Variants in EHMT1 observed in about 807,000 individuals in gnomAD.
EHMT1 encodes the protein euchromatic histone lysine methyltransferase 1, also known as histone-lysine N-methyltransferase EHMT1.
EHMT1 carries 15 observed loss-of-function variants against 147.2 expected under a neutral mutation model. The ratio of observed to expected loss-of-function variants is 0.10; its 90% CI spans 0.07 to 0.16. EHMT1 has a LOEUF of 0.16. Among genes scored for constraint, EHMT1 ranks in the 10% least tolerant of loss-of-function variants. The pLI, the probability that EHMT1 is intolerant of heterozygous loss-of-function variation, is 1.00. For synonymous variants in EHMT1, 795 were observed against 709.6 expected (o/e 1.12, Z -1.91); for missense variants, 1,587 against 1,772.4 (o/e 0.90, Z 1.88).
chr9:137,833,267 C>T (rs1216338533), intron 25 of EHMT1, among the ~76,000 whole-genome samples: 1 of 152,230 alleles, frequency 6.6e-6, no homozygotes, highest in African/African-American at 2.4e-5. Context: ...CCAGGTGCCT[C>T]CTTCCCCGTC....
intron 1 of EHMT1, among the ~76,000 whole-genome samples, chr9:137,632,709 C>T (rs1237368537): frequency 2.0e-5 from 3 of 152,084 alleles, no homozygotes; most frequent in East Asian, 3.9e-4. Context: ...CAGCCTAGAC[C>T]ACTTTTTAGG....
At position 137,828,583 on chromosome 9, in the gene EHMT1, CG is replaced by C. The variant is rs1955980118; in HGVS notation, c.3541-5762del. On this transcript the variant is annotated intron_variant, in intron 25 of 26. Coordinates refer to ENST00000460843, the MANE Select transcript of EHMT1 (RefSeq NM_024757.5). This position sits in a 1 kb window ranked among gnomAD's most constrained non-coding sequence, Gnocchi z 5.3. ...CACAAAGTGTGCTCCTGCGGGGGTG[CG>C]GGGTGGGGGAGGTACCACGTCTCCC... is the stretch of plus-strand genomic sequence containing the variant. Among the ~76,000 whole-genome samples, 1 of 149,584 alleles carries C rather than the reference CG, an allele frequency of 6.7e-6. No individual in the cohort carries two copies. The highest frequency in any genetic ancestry group is 6.7e-5 in the Admixed American group (1 of 15,024).
At chr9:137,717,814 ACT>A (rs1273845857) in intron 3 of EHMT1, among the ~76,000 whole-genome samples, 1 of 152,140 alleles carries the variant, frequency 6.6e-6, no homozygotes, top group African/African-American at 2.4e-5. Flanking sequence ...GCTAGGGAAG[ACT>A]CAGCCCTGAC....
chr9:137,659,229 A>G (rs1292497224), intron 1 of EHMT1, among the ~76,000 whole-genome samples: 5 of 151,460 alleles, frequency 3.3e-5, no homozygotes, highest in African/African-American at 1.2e-4. Context: ...AACATCTCCA[A>G]TGTGGTACTT....
chr9:137,789,441 C>G lies in EHMT1; in HGVS notation c.2383-1407C>G, dbSNP rs575619779. On this transcript the variant is annotated intron_variant, in intron 15 of 26. Coordinates refer to ENST00000460843, the MANE Select transcript of EHMT1 (RefSeq NM_024757.5). ...AGAGCCACAGCTCCTCTGCACAGCA[C>G]GGGCCTCGCTCTCTACCTCGTTTTG... Among the ~76,000 whole-genome samples the G allele has an allele frequency of 2.0e-5, 3 of 152,350 alleles. No individual in the cohort carries two copies. The East Asian group carries it at 5.8e-4, about 29-fold the overall frequency.
intron 15 of EHMT1, among the ~76,000 whole-genome samples, chr9:137,783,751 G>C (rs373396848): frequency 1.9e-4 from 29 of 152,170 alleles, no homozygotes; most frequent in East Asian, 1.2e-3. Context: ...GAGCGACGGG[G>C]CGCACCGTCT....
intron 25 of EHMT1, among the ~76,000 whole-genome samples, chr9:137,826,966 C>T (rs181197717): frequency 1.5e-4 from 23 of 152,342 alleles, no homozygotes; most frequent in African/African-American, 5.5e-4. Flanking sequence ...TCCATCAGAT[C>T]GCTGCTGGAG....
At chr9:137,682,691 G>T (rs1003096000) in intron 1 of EHMT1, among the ~76,000 whole-genome samples, 1 of 152,190 alleles carries the variant, frequency 6.6e-6, no homozygotes, top group African/African-American at 2.4e-5. Flanking sequence ...TCTGTGTGCC[G>T]CCTTCCCCGT....
chr9:137,626,616 C>T (rs1438223713), intron 1 of EHMT1, among the ~76,000 whole-genome samples: 1 of 150,276 alleles, frequency 6.7e-6, no homozygotes, highest in East Asian at 1.9e-4. Flanking sequence ...CTTAGTCTTT[C>T]TTCTATGATG....
At chr9:137,765,381 C>G (rs1299746951) in intron 10 of EHMT1, among the ~76,000 whole-genome samples, 4 of 152,192 alleles carry the variant, frequency 2.6e-5, no homozygotes, top group Non-Finnish European at 5.9e-5. Flanking sequence ...CTCCACCTCC[C>G]TTTCTCCCTT....
intron 9 of EHMT1, among the ~76,000 whole-genome samples, chr9:137,762,243 T>C (rs1004856700): frequency 2.0e-5 from 3 of 150,850 alleles, no homozygotes; most frequent in African/African-American, 4.9e-5. Flanking sequence ...TGAACCGTTA[T>C]TAAAACCTTC....
At chr9:137,790,413 A>G (rs2137098384) in intron 15 of EHMT1, among the ~76,000 whole-genome samples, 1 of 152,350 alleles carries the variant, frequency 6.6e-6, no homozygotes, top group South Asian at 2.1e-4. Flanking sequence ...ACTGGAAATC[A>G]GGATTTTCCA....
intron 16 of EHMT1, among the ~76,000 whole-genome samples, chr9:137,791,200 C>T (rs1418438027): frequency 2.6e-5 from 4 of 152,134 alleles, no homozygotes; most frequent in East Asian, 1.9e-4. Context: ...GAGCGAATGA[C>T]GGGTTTGCTG....
At chr9:137,736,625 G>A (rs942154228) in intron 4 of EHMT1, among the ~76,000 whole-genome samples, 23 of 152,228 alleles carry the variant, frequency 1.5e-4, no homozygotes, top group African/African-American at 2.9e-4. Flanking sequence ...GCGCGATGGC[G>A]CACGCCTGTA....
chr9:137,793,987 A>C (rs1952716029), intron 16 of EHMT1, among the ~76,000 whole-genome samples: 1 of 152,236 alleles, frequency 6.6e-6, no homozygotes, highest in Non-Finnish European at 1.5e-5. Flanking sequence ...AAACTGTATA[A>C]AATGTTTTAA....
chr9:137,747,616 C>A (rs573455895), intron 6 of EHMT1: 1 of 152,132 alleles, frequency 6.6e-6, no homozygotes, highest in African/African-American at 2.4e-5. Context: ...AACTACACAA[C>A]GTATATGTGT....
intron 1 of EHMT1, among the ~76,000 whole-genome samples, chr9:137,673,820 A>G (rs141648965): frequency 8.0e-4 from 122 of 152,358 alleles, no homozygotes; most frequent in Non-Finnish European, 1.2e-3. Context: ...CACAATTACT[A>G]TGAATATAGT....
At chr9:137,748,308 T>C (rs1005004512) in intron 6 of EHMT1, among the ~76,000 whole-genome samples, 2 of 152,228 alleles carry the variant, frequency 1.3e-5, no homozygotes, top group Non-Finnish European at 2.9e-5. Flanking sequence ...AAACGTTCTT[T>C]ATGGTTCTTG....
chr9:137,802,891 G>T, intron 18 of EHMT1: 1 of 1,232,336 alleles, frequency 8.1e-7, no homozygotes, highest in Non-Finnish European at 1.0e-6. Context: ...GCCCTGAGCC[G>T]GCAGAAGGAA....
Sources: allele counts gnomAD v4.1 joint callset (sites outside exome capture counted in the v4.1 genomes callset), GRCh38; gene constraint gnomAD v4.1.1; non-coding constraint Gnocchi (gnomAD v3.1); transcripts MANE v1.5; gene names NCBI Gene and HGNC (gene_info 2026-07-23, HGNC 2026-07-21).